CD2BP2: variants seen among roughly 807,000 people sequenced by gnomAD.
CD2BP2 encodes the protein CD2 cytoplasmic tail binding protein 2, also known as CD2 antigen cytoplasmic tail-binding protein 2.
A neutral mutation model predicts 35.9 loss-of-function variants in CD2BP2; 27 were observed. The observed-to-expected ratio is 0.75, with a 90% CI of 0.55 to 1.04. The LOEUF is 1.04. CD2BP2 is among the 50% of genes least tolerant of loss of function. The pLI is 0.00. For missense variants in CD2BP2, 497 were observed against 444.3 expected, an observed-to-expected ratio of 1.12 and a Z score of -1.07; for synonymous variants, 213 against 173.5, an observed-to-expected ratio of 1.23 and a Z score of -1.79.
At position 30,353,634 on chromosome 16, in the gene CD2BP2, C is replaced by T. The variant is rs563131444; in HGVS notation, c.542G>A (p.Arg181Gln). The change falls in exon 5 of 7, where the codon CGA becomes CAA. Residue 181 changes from arginine to glutamine, a missense_variant. Physicochemically the swap from Arg to Gln is conservative, Grantham distance 43. Coordinates refer to ENST00000305596, the MANE Select transcript of CD2BP2 (RefSeq NM_006110.3). ...VAGALRRLGA[R>Q]GGGKGRKGPG... ...CCCCTTTCTCCCTTTGCCTCCTCCTCGGGCCCCCAGACGCCTCAGTGCCCC... is the reference window on the plus strand; with the variant it reads ...CCCCTTTCTCCCTTTGCCTCCTCCTTGGGCCCCCAGACGCCTCAGTGCCCC... 1.3e-5 allele frequency: 21 copies of T among 1,613,464 alleles called. No individual in the cohort carries two copies. The highest frequency in any genetic ancestry group is 1.1e-4 in the East Asian group (5 of 44,848).
In CD2BP2 at chr16:30,353,619, C is replaced by G; in HGVS notation, c.557G>C (p.Gly186Ala). 6.2e-7 allele frequency: 1 copy of G among 1,613,880 alleles called. No homozygotes were observed. Among genetic ancestry groups the G allele is most frequent in the Non-Finnish European group, 8.5e-7 (1 of 1,179,890 alleles). The change falls in exon 5 of 7, where the codon GGG (glycine) becomes GCG (alanine). Residue 186 changes from glycine to alanine, a missense_variant. Coordinates refer to ENST00000305596, the MANE Select transcript of CD2BP2 (RefSeq NM_006110.3). Reference sequence around the variant, plus strand: ...ACTGGGTTGCCCAGGCCCCTTTCTCCCTTTGCCTCCTCCTCGGGCCCCCAG... The same window carrying G: ...ACTGGGTTGCCCAGGCCCCTTTCTCGCTTTGCCTCCTCCTCGGGCCCCCAG... ...RRLGARGGGK[G>A]RKGPGQPSSP...
rs879910439 is a variant in CD2BP2 at position 30,354,579 on chromosome 16, ACACAAAGCAGTCTGGCCCCCT to A, written c.78+4_78+24del. 17 of 1,607,074 alleles carry A rather than the reference ACACAAAGCAGTCTGGCCCCCT, an allele frequency of 1.1e-5. No homozygotes were observed. The highest frequency in any genetic ancestry group is 1.4e-5 in the Non-Finnish European group (17 of 1,174,710). On this transcript the variant is annotated splice_donor_5th_base_variant and intron_variant, in intron 2 of 6. Coordinates refer to ENST00000305596, the MANE Select transcript of CD2BP2 (RefSeq NM_006110.3). ...CAGGCTTCTAGCTCCTCTTTCCCCC[ACACAAAGCAGTCTGGCCCCCT>A]CACCTTCTTCTTGGGGACAATGATT...
rs145505967 is a variant in CD2BP2, at chr16:30,353,791, G to A, written c.385C>T (p.Arg129Trp). Residue 129 changes from arginine (R) to tryptophan (W), a missense_variant, in exon 5 of 7, where the codon CGG becomes TGG. Coordinates refer to ENST00000305596, the MANE Select transcript of CD2BP2 (RefSeq NM_006110.3). Reference protein sequence around the residue: ...WLDNIDWVKIRERPPGQRQAS... With the variant: ...WLDNIDWVKIWERPPGQRQAS... ...TGGCGCTGGCCAGGTGGCCGCTCCC[G>A]GATCTTCACCTGTAATGGGAAGATG... 1.3e-3 allele frequency: 2,144 copies of A among 1,602,320 alleles called. 9 individuals are homozygous for A. The highest frequency in any genetic ancestry group is 0.01 in the South Asian group (916 of 90,846).
rs2049486921 is a variant in CD2BP2 at position 30,352,104 on chromosome 16, TCA to T, written c.*879_*880del. 6.6e-6 allele frequency: 1 copy of T among 152,448 alleles called. No homozygotes were observed. The highest frequency in any genetic ancestry group is 1.5e-5 in the Non-Finnish European group (1 of 68,222). 9.4% of individuals were successfully genotyped at this position (152,448 alleles called of 1,614,324 possible). A position where few individuals can be genotyped will look rare whatever the true frequency, so the allele number is the denominator to read the frequency against. ...CTGGAAGGGGACCAACCCAGCTACC[TCA>T]GTTTCCTCAAGGCACTAGCCCTGTG... On this transcript the variant is annotated 3_prime_UTR_variant, in exon 7 of 7. Transcript: ENST00000305596.
Position 30,353,356 on chromosome 16 carries a change from C to T in CD2BP2, c.808+12G>A. 1 of 1,613,828 alleles carries T rather than the reference C, an allele frequency of 6.2e-7. No homozygotes were observed. Among genetic ancestry groups the T allele is most frequent in the Non-Finnish European group, 8.5e-7 (1 of 1,179,716 alleles). On this transcript the variant is annotated intron_variant, in intron 5 of 6. Coordinates refer to ENST00000305596, the MANE Select transcript of CD2BP2 (RefSeq NM_006110.3). ...CCTACCCACTGCCCCCTCCTCTGTC[C>T]TCCAAGCTCACCTCCTCTCTGGGTA...
chr16:30,353,438 G>A lies in CD2BP2; in HGVS notation c.738C>T (p.Pro246=). ...TLGPHNPTPP[P]SLDMFAEELA... is the part of the protein sequence containing the mutation. ...ACTCCTCAGCGAACATGTCCAGGGA[G>A]GGTGGGGGTGTGGGATTGTGGGGTC... The change falls in exon 5 of 7, where the codon CCC becomes CCT. Residue 246 remains proline, a synonymous_variant. Transcript: ENST00000305596. 2 of 1,614,150 alleles carry A rather than the reference G, an allele frequency of 1.2e-6. No homozygotes were observed. The highest frequency in any genetic ancestry group is 1.7e-6 in the Non-Finnish European group (2 of 1,180,022).
rs952974003 is a variant in CD2BP2 at position 30,352,194 on chromosome 16, G to T, written c.*791C>A. 1 of 152,318 alleles carries T rather than the reference G, an allele frequency of 6.6e-6. No individual in the cohort carries two copies. The highest frequency in any genetic ancestry group is 2.4e-5 in the African/African-American group (1 of 41,450). 9.4% of individuals were successfully genotyped at this position (152,318 alleles called of 1,614,324 possible). ...GGGCCTCCAAGGCCAGGCAGCAAAG[G>T]CTTTGTGCCAAGAAAGGTCTGGGAA... is the stretch of plus-strand genomic sequence containing the variant. On this transcript the variant is annotated 3_prime_UTR_variant, in exon 7 of 7. Transcript: ENST00000305596.
rs2049506064 is a variant in CD2BP2, at chr16:30,353,708, G to A, written c.468C>T (p.Ala156=). 1.9e-6 allele frequency: 3 copies of A among 1,613,418 alleles called. No homozygotes were observed. Among genetic ancestry groups the A allele is most frequent in the East Asian group, 2.2e-5 (1 of 44,866 alleles). ...SLGQTSMSAQ[A]LLEGLLELLL... ...GGAGCTCCAAAAGTCCCTCCAAGAGGGCTTGGGCACTCATTGAGGTCTGGC... is the reference window on the plus strand; with the variant it reads ...GGAGCTCCAAAAGTCCCTCCAAGAGAGCTTGGGCACTCATTGAGGTCTGGC... The change falls in exon 5 of 7, where the codon GCC becomes GCT. Residue 156 remains alanine, a synonymous_variant. Coordinates refer to ENST00000305596, the MANE Select transcript of CD2BP2 (RefSeq NM_006110.3).
Position 30,352,580 on chromosome 16 carries a change from C to T in CD2BP2, c.*405G>A, listed in dbSNP as rs2049490833. 3 of 195,074 alleles carry T rather than the reference C, an allele frequency of 1.5e-5. No homozygotes were observed. Among genetic ancestry groups the T allele is most frequent in the South Asian group, 1.9e-4 (2 of 10,702 alleles). 12.1% of individuals were successfully genotyped at this position (195,074 alleles called of 1,614,324 possible). A position where few individuals can be genotyped will look rare whatever the true frequency, so the allele number is the denominator to read the frequency against. On this transcript the variant is annotated 3_prime_UTR_variant, in exon 7 of 7. Transcript: ENST00000305596. ...AAAACATCCACTTCTGGGGCTCTGT[C>T]CTCTGGTGGCTACAAGGATAAAGAA...
Position 30,353,038 on chromosome 16 carries a change from G to C in CD2BP2, c.973C>G (p.Pro325Ala), listed in dbSNP as rs1420785374. The C allele has an allele frequency of 6.8e-6, 11 of 1,614,096 alleles. No individual in the cohort carries two copies. Among genetic ancestry groups the C allele is most frequent in the Non-Finnish European group, 8.5e-6 (10 of 1,179,992 alleles). Residue 325 changes from proline to alanine, a missense_variant, in exon 7 of 7, where the codon CCT (proline) becomes GCT (alanine). Transcript: ENST00000305596. ...TTGGAGTTGTAGAACTGACCACCAG[G>C]GGGGTCCAGCTTCCGGCAATAAACA... The part of the protein sequence containing the change: ...DGVYCRKLDP[P>A]GGQFYNSKRI...
intron 1 of CD2BP2, 174 bp downstream of exon 1, chr16:30,355,038 C>A: frequency 1.4e-5 from 4 of 283,960 alleles, no homozygotes; most frequent in East Asian, 2.0e-4. Context: ...CGCTCTCTAC[C>A]CTGGCTCTCT....
chr16:30,352,765 A>ACTCAG lies in CD2BP2; in HGVS notation c.*219_*220insCTGAG. On this transcript the variant is annotated 3_prime_UTR_variant, in exon 7 of 7. Transcript: ENST00000305596. The stretch of plus-strand genomic sequence containing the variant: ...CACCTCCAAGAAGGATCTTCATGGG[A>ACTCAG]GTACTCAGGGACCAAGACAAGTCCA... 1 of 574,908 alleles carries ACTCAG rather than the reference A, an allele frequency of 1.7e-6. No homozygotes were observed. The highest frequency in any genetic ancestry group is 2.1e-5 in the South Asian group (1 of 47,820). 35.6% of individuals were successfully genotyped at this position (574,908 alleles called of 1,614,324 possible).
In CD2BP2 at chr16:30,352,713, C is replaced by A. The variant is rs2049492082; in HGVS notation, c.*272G>T. On this transcript the variant is annotated 3_prime_UTR_variant, in exon 7 of 7. Transcript: ENST00000305596. ...GTTTACACGGCAAGCAGAGTCCAGG[C>A]AGGGAGGCCACAGGATACCTGACAG... 2.0e-6 allele frequency: 1 copy of A among 494,554 alleles called. No individual in the cohort carries two copies. The allele number at this position is 494,554 out of a possible 1,614,324, so 30.6% of individuals were successfully genotyped here. A position where few individuals can be genotyped will look rare whatever the true frequency, so the allele number is the denominator to read the frequency against.
At position 30,353,278 on chromosome 16, in the gene CD2BP2, G is replaced by A. The variant is rs773718372; in HGVS notation, c.818C>T (p.Ser273Leu). The change falls in exon 6 of 7, where the codon TCG (serine) becomes TTG (leucine). Residue 273 changes from serine (S) to leucine (L), a missense_variant. Transcript: ENST00000305596. ...CACATCCACCAGACCATCTCCCCGC[G>A]ACTCTGCTTCTAAAATAACAGGCAA... ...PTPTQRGEAE[S>L]RGDGLVDVMW... The A allele has an allele frequency of 1.4e-4, 220 of 1,613,900 alleles. No individual in the cohort carries two copies. Among genetic ancestry groups the A allele is most frequent in the East Asian group, 1.8e-4 (8 of 44,892 alleles).
chr16:30,354,134 G>A lies in CD2BP2; in HGVS notation c.217+50C>T, dbSNP rs1340609472. On this transcript the variant is annotated intron_variant, in intron 3 of 6. Coordinates refer to ENST00000305596, the MANE Select transcript of CD2BP2 (RefSeq NM_006110.3). ...GAGCCTCCCTCGCTCCACACCACCA[G>A]AGGCCCCTACTTGTTTTTCCAGCAG... 4 of 1,613,178 alleles carry A rather than the reference G, an allele frequency of 2.5e-6. No individual in the cohort carries two copies. The South Asian group carries it at 4.4e-5, about 18-fold the overall frequency.
rs778978705 is a variant in CD2BP2 at position 30,353,413 on chromosome 16, A to C, written c.763T>G (p.Leu255Val). The C allele has an allele frequency of 6.2e-7, 1 of 1,612,840 alleles. No individual in the cohort carries two copies. The highest frequency in any genetic ancestry group is 8.5e-7 in the Non-Finnish European group (1 of 1,179,712). Residue 255 changes from leucine to valine, a missense_variant, in exon 5 of 7, where the codon TTG becomes GTG. Physicochemically the swap from Leu to Val is conservative, Grantham distance 32. Transcript: ENST00000305596. The part of the protein sequence containing the change: ...PPSLDMFAEE[L>V]AEEELETPTP... Reference sequence around the variant, plus strand: ...GGGGTCTCCAGTTCCTCCTCCGCCAACTCCTCAGCGAACATGTCCAGGGAG... The same window carrying C: ...GGGGTCTCCAGTTCCTCCTCCGCCACCTCCTCAGCGAACATGTCCAGGGAG...
intron 2 of CD2BP2, 56 bp from the exon 3 acceptor site, chr16:30,354,378 T>A: frequency 6.3e-7 from 1 of 1,575,254 alleles, no homozygotes. Context: ...CCTCCCCAAA[T>A]ACTTCCGGAT....
intron 4 of CD2BP2, 48 bp from the exon 5 acceptor site, chr16:30,353,848 G>C: frequency 3.1e-6 from 5 of 1,608,954 alleles, no homozygotes; most frequent in Non-Finnish European, 3.4e-6. Flanking sequence ...CACGGGAGCA[G>C]GCCCAGCATC....
rs375048189 is a variant in CD2BP2, at chr16:30,354,331, A to C, written c.79-9T>G. 6.2e-7 allele frequency: 1 copy of C among 1,607,654 alleles called. No individual in the cohort carries two copies. The highest frequency in any genetic ancestry group is 8.5e-7 in the Non-Finnish European group (1 of 1,177,934). ...GCCACAGGGTCCACCAGCTGTGAGC[A>C]GGAGCCAGAAAGTTGAGAAATGCAG... On this transcript the variant is annotated splice_polypyrimidine_tract_variant and intron_variant, in intron 2 of 6. Transcript: ENST00000305596.
Sources: allele counts gnomAD v4.1 joint callset, GRCh38; gene constraint gnomAD v4.1.1; transcripts MANE v1.5; gene names NCBI Gene and HGNC (gene_info 2026-07-23, HGNC 2026-07-21).